ZC3H11A: variants seen among roughly 807,000 people sequenced by gnomAD.
ZC3H11A encodes the protein zinc finger CCCH domain-containing protein 11A.
In ZC3H11A, 22 loss-of-function variants were observed where a neutral mutation model predicts 90.8. That is an observed-to-expected ratio of 0.24 (90% CI 0.17 to 0.35). The LOEUF is 0.35. Ranked by LOEUF, ZC3H11A falls within the 10% of genes least tolerant of loss-of-function variation. The probability of loss-of-function intolerance (pLI) is 1.00; values close to 1 mark genes in which losing one functional copy is unlikely to be tolerated. For missense variants in ZC3H11A, 701 were observed against 964.9 expected (o/e 0.73, Z 3.62); for synonymous variants, 294 against 339.8 (o/e 0.87, Z 1.48).
chr1:203,816,917 T>A lies in ZC3H11A; in HGVS notation c.-145-9T>A, dbSNP rs988033258. On this transcript the variant is annotated splice_polypyrimidine_tract_variant and intron_variant, in intron 2 of 17. Transcript: ENST00000367210. ...TGAAATATTTTAATTCATTGTCTCC[T>A]CATTTTAGGATTACAGTTTAAAGAC... The A allele has an allele frequency of 6.7e-5, 36 of 534,548 alleles. No homozygotes were observed. Among genetic ancestry groups the A allele is most frequent in the African/African-American group, 6.5e-4 (33 of 50,904 alleles). 33.1% of individuals were successfully genotyped at this position (534,548 alleles called of 1,614,324 possible).
At chr1:203,814,720 A>G (rs1030038861) in intron 2 of ZC3H11A, among the ~76,000 whole-genome samples, 2 of 152,120 alleles carry the variant, frequency 1.3e-5, no homozygotes, top group African/African-American at 2.4e-5. Context: ...AGCTGCTTAC[A>G]TATTTTTAGA....
chr1:203,816,696 T>C (rs926690147), intron 2 of ZC3H11A, among the ~76,000 whole-genome samples: 3 of 152,130 alleles, frequency 2.0e-5, no homozygotes, highest in Admixed American at 6.6e-5. Context: ...GCTGTAACTG[T>C]GTAACAAGCA....
chr1:203,809,308 T>G (rs1427825391), intron 2 of ZC3H11A, among the ~76,000 whole-genome samples: 1 of 150,208 alleles, frequency 6.7e-6, no homozygotes, highest in African/African-American at 2.4e-5. Context: ...CCCGAGTAAC[T>G]GGGACAACAG....
At chr1:203,812,845 G>A (rs1286886619) in intron 2 of ZC3H11A, among the ~76,000 whole-genome samples, 1 of 152,090 alleles carries the variant, frequency 6.6e-6, no homozygotes, top group Non-Finnish European at 1.5e-5. Flanking sequence ...GCCTCCCAAA[G>A]TGCTGGGATT....
intron 4 of ZC3H11A, among the ~76,000 whole-genome samples, chr1:203,821,895 T>C (rs753557736): frequency 5.3e-5 from 8 of 152,020 alleles, no homozygotes; most frequent in Non-Finnish European, 1.0e-4. Flanking sequence ...GTAGCTGGGA[T>C]TACAGGTGCC....
chr1:203,817,753 T>G (rs1283551062), intron 3 of ZC3H11A, among the ~76,000 whole-genome samples: 1 of 152,024 alleles, frequency 6.6e-6, no homozygotes, highest in Non-Finnish European at 1.5e-5. Context: ...CTTGATTTTT[T>G]TTTTATTTTT....
intron 1 of ZC3H11A, chr1:203,798,704 G>T: frequency 2.6e-6 from 4 of 1,536,094 alleles, no homozygotes; most frequent in Non-Finnish European, 3.5e-6. Context: ...TGATGCGTGC[G>T]CAGGAGAGAG....
rs150416242 is a variant in ZC3H11A, at chr1:203,802,714, C to CTTTTTTTTTTTTTTTT, written c.-439_-438insTTTTTTTTTTTTTTTT. On this transcript the variant is annotated 5_prime_UTR_variant, in exon 2 of 18. The change abolishes the stop of an existing upstream ORF in the 5' untranslated region. Transcript: ENST00000367210. ...TCTCAAGTTCATCTTTAAATGAACTCTTTTTTTTTGTTTTTTTTTTGTTTT... is the reference window on the plus strand; with the variant it reads ...TCTCAAGTTCATCTTTAAATGAACTCTTTTTTTTTTTTTTTTTTTTTTTTTGTTTTTTTTTTGTTTT... 5.3e-5 allele frequency: 7 copies of CTTTTTTTTTTTTTTTT among 131,676 alleles called. No individual in the cohort carries two copies. The highest frequency in any genetic ancestry group is 7.9e-5 in the Admixed American group (1 of 12,720). The allele number at this position is 131,676 out of a possible 1,614,324, so 8.2% of individuals were successfully genotyped here. A position where few individuals can be genotyped will look rare whatever the true frequency, so the allele number is the denominator to read the frequency against.
intron 2 of ZC3H11A, among the ~76,000 whole-genome samples, chr1:203,804,833 C>A (rs182674363): frequency 6.6e-6 from 1 of 151,720 alleles, no homozygotes; most frequent in South Asian, 2.1e-4. Context: ...CCACCATGCC[C>A]GGCTGATTTT....
At chr1:203,807,767 G>C (rs180814247) in intron 2 of ZC3H11A, among the ~76,000 whole-genome samples, 13 of 151,670 alleles carry the variant, frequency 8.6e-5, no homozygotes, top group Admixed American at 3.3e-4. Flanking sequence ...TTTGAGAGAG[G>C]GTCTTGCTCT....
Position 203,852,378 on chromosome 1 carries a change from A to G in ZC3H11A, c.2412A>G (p.Leu804=), listed in dbSNP as rs138734829. Residue 804 remains leucine (L), a synonymous_variant, in exon 18 of 18, where the codon CTA becomes CTG. Coordinates refer to ENST00000367210, the MANE Select transcript of ZC3H11A (RefSeq NM_001376342.1). ...GKDEDDLLLE[L]SEMIDS ...ATGAAGATGACCTTCTGCTTGAGCT[A>G]TCAGAAATGATTGATAGCTGAAGGT... 8.4e-5 allele frequency: 135 copies of G among 1,613,870 alleles called. No homozygotes were observed. The East Asian group carries it at 2.7e-3, about 33-fold the overall frequency.
At chr1:203,834,070 C>T (rs1175900438) in intron 10 of ZC3H11A, 1 of 1,216,808 alleles carries the variant, frequency 8.2e-7, no homozygotes, top group Non-Finnish European at 1.0e-6. Context: ...TGACCATGAC[C>T]AGCGTTTTGG....
At chr1:203,843,441 A>G (rs1687028784) in intron 12 of ZC3H11A, among the ~76,000 whole-genome samples, 1 of 152,116 alleles carries the variant, frequency 6.6e-6, no homozygotes, top group Admixed American at 6.5e-5. Flanking sequence ...ATGTCTCTGT[A>G]TACTTTTTGT....
At chr1:203,830,925 A>ATTTTTTTTTTTTTTTTTTTTTTT (rs774771270) in intron 8 of ZC3H11A, among the ~76,000 whole-genome samples, 1 of 51,352 alleles carries the variant, frequency 1.9e-5, no homozygotes, top group Non-Finnish European at 3.7e-5. Context: ...CCAACCCCCA[A>ATTTTTTTTTTTTTTTTTTTTTTT]TTTTTTTTTT....
chr1:203,837,366 G>C (rs914932514), intron 10 of ZC3H11A, among the ~76,000 whole-genome samples: 1 of 151,036 alleles, frequency 6.6e-6, no homozygotes, highest in Non-Finnish European at 1.5e-5. Flanking sequence ...CTCAACCAGG[G>C]TTTATGACCT....
At chr1:203,798,533 T>A in intron 1 of ZC3H11A, 1 of 1,536,132 alleles carries the variant, frequency 6.5e-7, no homozygotes, top group Non-Finnish European at 8.7e-7. Context: ...AAGCTGAGAC[T>A]GAGAGAAGTG....
chr1:203,819,529 A>ATTTTTTTTT (rs755259647), intron 4 of ZC3H11A, among the ~76,000 whole-genome samples: 15 of 72,876 alleles, frequency 2.1e-4, no homozygotes, highest in African/African-American at 5.7e-4. Context: ...GCTGACTCCA[A>ATTTTTTTTT]TTTTTTTTTT....
At chr1:203,841,355 C>T (rs1223021758) in intron 12 of ZC3H11A, among the ~76,000 whole-genome samples, 3 of 152,032 alleles carry the variant, frequency 2.0e-5, no homozygotes, top group Non-Finnish European at 4.4e-5. Flanking sequence ...GTGGTGATGA[C>T]TCTTAACGAG....
chr1:203,810,420 T>A (rs1234412731), intron 2 of ZC3H11A, among the ~76,000 whole-genome samples: 1 of 146,112 alleles, frequency 6.8e-6, no homozygotes, highest in African/African-American at 2.6e-5. Context: ...TTGTAGCTGT[T>A]AGGTTTTTTT....
Sources: allele counts gnomAD v4.1 joint callset (sites outside exome capture counted in the v4.1 genomes callset), GRCh38; gene constraint gnomAD v4.1.1; transcripts MANE v1.5; gene names NCBI Gene and HGNC (gene_info 2026-07-23, HGNC 2026-07-21).